GPR89A: variants seen among roughly 807,000 people sequenced by gnomAD.
GPR89A encodes G protein-coupled receptor 89A.
In GPR89A, 16 loss-of-function variants were observed where a neutral mutation model predicts 52.0. The observed-to-expected ratio is 0.31, with a 90% confidence interval of 0.21 to 0.47. The LOEUF (loss-of-function observed/expected upper bound fraction) is 0.47. Among genes scored for constraint, GPR89A ranks in the 20% least tolerant of loss-of-function variants. GPR89A has a pLI of 1.00. For missense variants in GPR89A, 135 were observed against 449.4 expected (o/e 0.30, Z 6.33); for synonymous variants, 55 against 150.9 (o/e 0.36, Z 4.66).
chr1:145,646,030 T>C (rs1174355645), intron 8 of GPR89A, 154 bp from the exon 9 acceptor site: 4 of 1,121,742 alleles, frequency 3.6e-6, no homozygotes, highest in South Asian at 2.8e-5. Flanking sequence ...TTGGGAAAGC[T>C]GCTCTGAAGT....
chr1:145,614,083 G>C (rs1231962438), intron 1 of GPR89A, among the ~76,000 whole-genome samples: 1 of 152,102 alleles, frequency 6.6e-6, no homozygotes, highest in Non-Finnish European at 1.5e-5. Context: ...CTCCCTACTT[G>C]ATTCTTATTC....
At chr1:145,608,261 G>A (rs1647951409) in intron 1 of GPR89A, 86 bp downstream of exon 1, 11 of 1,566,700 alleles carry the variant, frequency 7.0e-6, no homozygotes, top group South Asian at 6.7e-5. Context: ...GGGCTGGTCC[G>A]GGGTCTCGCT....
intron 1 of GPR89A, 140 bp downstream of exon 1, chr1:145,608,315 G>C (rs782171586): frequency 3.9e-6 from 5 of 1,297,694 alleles, no homozygotes; most frequent in Non-Finnish European, 4.3e-6. Context: ...CACCCAGAGA[G>C]GGTGTGCGAT....
At position 145,656,629 on chromosome 1, in the gene GPR89A, G is replaced by C. The variant is rs71665917; in HGVS notation, c.910-6700G>C. Among the ~76,000 whole-genome samples, 104 of 152,246 alleles carry C rather than the reference G, an allele frequency of 6.8e-4. 1 individual carries two copies. The highest frequency in any genetic ancestry group is 3.3e-3 in the East Asian group (17 of 5,182). On this transcript the variant is annotated intron_variant, in intron 10 of 13. Transcript: ENST00000313835. ...TGGCCCCTCCCCCGACCTTGCCAGT[G>C]TTTTAATTAAGTTGTTCCTTTCCCC...
intron 10 of GPR89A, among the ~76,000 whole-genome samples, chr1:145,654,850 G>C (rs1651706564): frequency 6.6e-6 from 1 of 152,076 alleles, no homozygotes; most frequent in Admixed American, 6.6e-5. Flanking sequence ...TGCTAGGTTG[G>C]GGAAGTTCTC....
intron 11 of GPR89A, among the ~76,000 whole-genome samples, 157 bp downstream of exon 11, chr1:145,663,581 T>G (rs1553696015): frequency 6.6e-6 from 1 of 152,158 alleles, no homozygotes. Context: ...AAAATTTTTA[T>G]ATTTTGATGT....
At position 145,619,170 on chromosome 1, in the gene GPR89A, A is replaced by G. The variant is rs587662852; in HGVS notation, c.206+747A>G. On this transcript the variant is annotated intron_variant, in intron 3 of 13. Coordinates refer to ENST00000313835, the MANE Select transcript of GPR89A (RefSeq NM_001097612.2). ...GATTCAGTGCCAAGGTAAGTTCATTATAGACCCCTGGCACTTGAGACTTGT... is the reference window on the plus strand; with the variant it reads ...GATTCAGTGCCAAGGTAAGTTCATTGTAGACCCCTGGCACTTGAGACTTGT... Among the ~76,000 whole-genome samples, 128 of 152,204 alleles carry G rather than the reference A, an allele frequency of 8.4e-4. 2 individuals carry two copies. The South Asian group carries it at 0.024, about 29-fold the overall frequency.
rs1179416243 is a variant in GPR89A at position 145,646,988 on chromosome 1, C to A, written c.817-187C>A. The A allele has an allele frequency of 1.5e-5, 10 of 670,800 alleles. No individual in the cohort carries two copies. In the African/African-American group the frequency reaches 1.8e-4, roughly 12 times the overall value. 41.6% of individuals were successfully genotyped at this position (670,800 alleles called of 1,614,324 possible). ...TGGATAATGCATGTAAGATGTTTAT[C>A]CCAGTCTCTAGCTAAAAGCAAGCAT... On this transcript the variant is annotated intron_variant, in intron 9 of 13. Coordinates refer to ENST00000313835, the MANE Select transcript of GPR89A (RefSeq NM_001097612.2).
intron 10 of GPR89A, among the ~76,000 whole-genome samples, chr1:145,656,419 C>T (rs1272691855): frequency 1.3e-5 from 2 of 152,126 alleles, no homozygotes; most frequent in Non-Finnish European, 2.9e-5. Context: ...TCCCCTTGCC[C>T]TGTGCGGCTC....
chr1:145,657,607 G>T (rs1430194523), intron 10 of GPR89A, among the ~76,000 whole-genome samples: 2 of 138,560 alleles, frequency 1.4e-5, no homozygotes, highest in African/African-American at 2.7e-5. Flanking sequence ...CAATAAAGCC[G>T]TCTGGGCCTG....
At chr1:145,645,384 A>G in intron 8 of GPR89A, 1 of 354,524 alleles carries the variant, frequency 2.8e-6, no homozygotes, top group Non-Finnish European at 5.5e-6. Flanking sequence ...GGCTGTATTT[A>G]CTATGTTTAT....
At chr1:145,652,897 T>G (rs1651550475) in intron 10 of GPR89A, among the ~76,000 whole-genome samples, 1 of 147,284 alleles carries the variant, frequency 6.8e-6, no homozygotes, top group Non-Finnish European at 1.5e-5. Context: ...CTAGTAGTGG[T>G]CTATTTTATT....
At chr1:145,612,928 C>G (rs1363073125) in intron 1 of GPR89A, among the ~76,000 whole-genome samples, 4 of 152,148 alleles carry the variant, frequency 2.6e-5, no homozygotes, top group African/African-American at 9.7e-5. Flanking sequence ...CTGCTACACT[C>G]TGGTTCCTGC....
intron 12 of GPR89A, among the ~76,000 whole-genome samples, chr1:145,668,669 T>C (rs1652739203): frequency 1.3e-5 from 2 of 152,284 alleles, no homozygotes; most frequent in Non-Finnish European, 2.9e-5. Flanking sequence ...AGGGAATGCT[T>C]CCAGTTTTTG....
chr1:145,641,149 C>T (rs2101796464), intron 7 of GPR89A, among the ~76,000 whole-genome samples: 1 of 151,398 alleles, frequency 6.6e-6, no homozygotes, highest in Non-Finnish European at 1.5e-5. Context: ...CCAACAATTG[C>T]ACTCCTGGGC....
intron 6 of GPR89A, among the ~76,000 whole-genome samples, chr1:145,631,420 T>TG (rs1649872270): frequency 8.0e-6 from 1 of 125,498 alleles, no homozygotes; most frequent in Admixed American, 8.1e-5. Context: ...TATATATAAA[T>TG]GTAACTGGAT....
intron 7 of GPR89A, among the ~76,000 whole-genome samples, chr1:145,641,701 T>C (rs1650665660): frequency 6.6e-6 from 1 of 152,130 alleles, no homozygotes; most frequent in South Asian, 2.1e-4. Flanking sequence ...CAAGTGCATA[T>C]GTTTTTCCAT....
chr1:145,615,112 C>A (rs1249924563), intron 1 of GPR89A, among the ~76,000 whole-genome samples: 1 of 152,150 alleles, frequency 6.6e-6, no homozygotes, highest in Non-Finnish European at 1.5e-5. Flanking sequence ...TATCAGCTGT[C>A]ATGTGGCTAC....
At position 145,623,005 on chromosome 1, in the gene GPR89A, G is replaced by A. The variant is rs587712905; in HGVS notation, c.207-49G>A. 57 of 1,597,782 alleles carry A rather than the reference G, an allele frequency of 3.6e-5. No individual in the cohort carries two copies. The East Asian group carries it at 1.2e-3, about 35-fold the overall frequency. On this transcript the variant is annotated intron_variant, in intron 3 of 13. Transcript: ENST00000313835. ...CTTTGGAAGACTAAAGAGAAAGAAA[G>A]TTGCTGCCCTCTCTTCCTCCCAGTG...
Sources: gnomAD v4.1 joint callset for allele counts (sites outside exome capture counted in the v4.1 genomes callset) on GRCh38, gnomAD v4.1.1 for gene constraint, MANE v1.5 for transcripts, NCBI Gene and HGNC (gene_info 2026-07-23, HGNC 2026-07-21) for gene names.